The following MYLK variants were observed in gnomAD, a reference collection of about 807,000 sequenced individuals.
MYLK encodes myosin light chain kinase, also known as myosin light chain kinase, smooth muscle.
MYLK carries 106 observed loss-of-function variants against 203.4 expected under a neutral mutation model. That is an observed-to-expected ratio of 0.52 (90% CI 0.45 to 0.61). MYLK has a LOEUF of 0.61. MYLK is among the 20% of genes least tolerant of loss of function. The pLI is 0.00. For missense variants in MYLK, 2,072 were observed against 2,442.3 expected, an observed-to-expected ratio of 0.85 and a Z score of 3.20; for synonymous variants, 867 against 959.5, an observed-to-expected ratio of 0.90 and a Z score of 1.78.
intron 30 of MYLK, among the ~76,000 whole-genome samples, chr3:123,628,199 A>C (rs2058245355): frequency 6.6e-6 from 1 of 152,114 alleles, no homozygotes; most frequent in African/African-American, 2.4e-5. Flanking sequence ...CCTCTGGGGG[A>C]GTTTGGCCCT....
chr3:123,881,496 T>A (rs1017051469), intron 1 of MYLK, among the ~76,000 whole-genome samples: 1 of 152,152 alleles, frequency 6.6e-6, no homozygotes, highest in Non-Finnish European at 1.5e-5. Context: ...GTGGGTTGGT[T>A]TGAGCTGTGA....
chr3:123,783,325 CCT>C (rs1479548961), intron 4 of MYLK, among the ~76,000 whole-genome samples: 2 of 152,180 alleles, frequency 1.3e-5, no homozygotes, highest in Non-Finnish European at 2.9e-5. Context: ...TCACCTGTTT[CCT>C]CACAGCCCCA....
intron 4 of MYLK, among the ~76,000 whole-genome samples, chr3:123,767,571 C>T (rs916639119): frequency 8.5e-5 from 13 of 152,240 alleles, no homozygotes; most frequent in African/African-American, 3.1e-4. Flanking sequence ...TGCGCCACTG[C>T]ACTCCAGCCT....
At chr3:123,807,618 CG>C (rs966780249) in intron 3 of MYLK, among the ~76,000 whole-genome samples, 2 of 152,266 alleles carry the variant, frequency 1.3e-5, no homozygotes, top group South Asian at 2.1e-4. Context: ...CCTAAACAAA[CG>C]GGGTGACTTC....
At chr3:123,809,871 T>C (rs1460651234) in intron 3 of MYLK, among the ~76,000 whole-genome samples, 1 of 152,216 alleles carries the variant, frequency 6.6e-6, no homozygotes, top group African/African-American at 2.4e-5. Flanking sequence ...CAGAAGTTCA[T>C]AATTTCCTGC....
chr3:123,696,626 C>T (rs1017094707), intron 18 of MYLK, among the ~76,000 whole-genome samples: 3 of 152,064 alleles, frequency 2.0e-5, no homozygotes, highest in Non-Finnish European at 2.9e-5. Context: ...CCTGCCCTTC[C>T]AAGCCAGGCA....
At chr3:123,641,946 C>T (rs1162552601) in intron 27 of MYLK, among the ~76,000 whole-genome samples, 1 of 151,926 alleles carries the variant, frequency 6.6e-6, no homozygotes, top group Non-Finnish European at 1.5e-5. Flanking sequence ...CTTTGAACTC[C>T]TGGGCTCAAG....
intron 20 of MYLK, among the ~76,000 whole-genome samples, chr3:123,667,519 G>A (rs56408974): frequency 2.0e-5 from 3 of 151,836 alleles, no homozygotes; most frequent in African/African-American, 7.2e-5. Context: ...CAGGAGAATC[G>A]CTTTAACCTG....
chr3:123,800,697 A>T (rs1455775287), intron 3 of MYLK, among the ~76,000 whole-genome samples: 4 of 152,154 alleles, frequency 2.6e-5, no homozygotes, highest in Non-Finnish European at 4.4e-5. Flanking sequence ...ATCCTATGCA[A>T]CTCACACCTT....
In MYLK at chr3:123,647,386, G is replaced by C; in HGVS notation, c.4457C>G (p.Thr1486Ser). The C allele has an allele frequency of 6.2e-7, 1 of 1,614,200 alleles. No homozygotes were observed. The highest frequency in any genetic ancestry group is 8.5e-7 in the Non-Finnish European group (1 of 1,180,032). The change falls in exon 27 of 34, where the codon ACT (threonine) becomes AGT (serine). Residue 1486 changes from threonine to serine, a missense_variant. By Grantham distance (58) the Thr-to-Ser change is moderately conservative. Coordinates refer to ENST00000360304, the MANE Select transcript of MYLK (RefSeq NM_053025.4). ...GAACTTCCCTGCCCAGACTTTTCGA[G>C]TTTTCTTTTCTACAAGTCGAAAGAC... ...GQVFRLVEKK[T>S]RKVWAGKFFK...
chr3:123,784,716 C>G (rs1409494649), intron 4 of MYLK, among the ~76,000 whole-genome samples: 1 of 152,190 alleles, frequency 6.6e-6, no homozygotes, highest in African/African-American at 2.4e-5. Flanking sequence ...TTTCAGACAT[C>G]TGGTGTCCAT....
chr3:123,728,578 C>A (rs1307271288), intron 11 of MYLK, among the ~76,000 whole-genome samples: 1 of 147,472 alleles, frequency 6.8e-6, no homozygotes, highest in Admixed American at 6.6e-5. Context: ...CCCTCCCAAA[C>A]AACAAACAAC....
intron 4 of MYLK, among the ~76,000 whole-genome samples, chr3:123,785,325 T>C (rs1380796541): frequency 6.6e-6 from 1 of 152,230 alleles, no homozygotes; most frequent in African/African-American, 2.4e-5. Context: ...CCACCAGCTG[T>C]TGACTATGGT....
In MYLK at chr3:123,700,047, T is replaced by C. The variant is rs1221733896; in HGVS notation, c.3421A>G (p.Thr1141Ala). The part of the protein sequence containing the change: ...WTLNGKTLKT[T>A]KFIILSQEGS... ...TCCTGGGAGAGGATGATGAACTTGG[T>C]GGTCTTGAGGGTCTTTCCGTTCAGC... is the stretch of plus-strand genomic sequence containing the variant. The change falls in exon 18 of 34, where the codon ACC becomes GCC. Residue 1141 changes from threonine (T) to alanine (A), a missense_variant. Physicochemically the swap from Thr to Ala is moderately conservative, Grantham distance 58. Transcript: ENST00000360304. 6.2e-7 allele frequency: 1 copy of C among 1,613,956 alleles called. No individual in the cohort carries two copies. Among genetic ancestry groups the C allele is most frequent in the Non-Finnish European group, 8.5e-7 (1 of 1,179,976 alleles).
rs946244660 is a variant in MYLK, at chr3:123,627,356, T to G, written c.5115-415A>C. ...CCACCCTGTCTGGAGGAGGGGAGAG[T>G]TAAATCCTAGGATAAAATCTCCGAC... On this transcript the variant is annotated intron_variant, in intron 30 of 33. Transcript: ENST00000360304. 7.2e-5 allele frequency among the ~76,000 whole-genome samples: 11 copies of G among 152,180 alleles called. No individual in the cohort carries two copies. In the East Asian group the frequency reaches 7.8e-4, roughly 11 times the overall value.
Position 123,612,575 on chromosome 3 carries a change from C to T in MYLK, c.*1530G>A, listed in dbSNP as rs1324079728. ...TTTATTATAATAAACTGTGGCAATA[C>T]TGTGGCTATCATGAAAAATATTGTA... On this transcript the variant is annotated 3_prime_UTR_variant, in exon 34 of 34. Coordinates refer to ENST00000360304, the MANE Select transcript of MYLK (RefSeq NM_053025.4). The T allele has an allele frequency of 6.6e-6, 1 of 152,492 alleles. No individual in the cohort carries two copies. Among genetic ancestry groups the T allele is most frequent in the Non-Finnish European group, 1.5e-5 (1 of 68,008 alleles). 9.4% of individuals were successfully genotyped at this position (152,492 alleles called of 1,614,324 possible).
intron 13 of MYLK, among the ~76,000 whole-genome samples, chr3:123,721,163 C>T (rs1043322544): frequency 1.2e-4 from 18 of 152,164 alleles, no homozygotes; most frequent in Non-Finnish European, 2.5e-4. Context: ...TCCTTTTCTG[C>T]GAAACTTCCT....
intron 19 of MYLK, among the ~76,000 whole-genome samples, chr3:123,686,377 T>TG: frequency 6.6e-6 from 1 of 150,930 alleles, no homozygotes; most frequent in South Asian, 2.1e-4. Context: ...AGCGTTTTTT[T>TG]TTTTTTAATC....
At chr3:123,739,154 C>T (rs938663326) in intron 6 of MYLK, 92 bp from the exon 7 acceptor site, 1 of 1,411,322 alleles carries the variant, frequency 7.1e-7, no homozygotes, top group African/African-American at 1.4e-5. Flanking sequence ...AAGTTAAGGT[C>T]AGAAGCCATC....
Sources: allele counts gnomAD v4.1 joint callset (sites outside exome capture counted in the v4.1 genomes callset), GRCh38; gene constraint gnomAD v4.1.1; transcripts MANE v1.5; gene names NCBI Gene and HGNC (gene_info 2026-07-23, HGNC 2026-07-21).